The following RBFOX1 variants were observed in gnomAD, a reference collection of about 807,000 sequenced individuals.
RBFOX1 encodes the protein RNA binding fox-1 homolog 1, also known as RNA binding protein fox-1 homolog 1.
RBFOX1 carries 8 observed loss-of-function variants against 57.7 expected under a neutral mutation model. That is an observed-to-expected ratio of 0.14 (90% confidence interval 0.08 to 0.25). RBFOX1 has a LOEUF of 0.25. RBFOX1 is among the 10% of genes least tolerant of loss of function. RBFOX1 has a pLI of 1.00. For synonymous variants in RBFOX1, 326 were observed against 222.4 expected, an observed-to-expected ratio of 1.47 and a Z score of -4.15; for missense variants, 611 against 548.5, an observed-to-expected ratio of 1.11 and a Z score of -1.14.
At chr16:7,625,660 ATTT>A (rs1233784177) in intron 10 of RBFOX1, among the ~76,000 whole-genome samples, 1 of 151,778 alleles carries the variant, frequency 6.6e-6, no homozygotes, top group Admixed American at 6.6e-5. Context: ...TTCCGTTCAC[ATTT>A]TTTGTTTAAA....
intron 4 of RBFOX1, among the ~76,000 whole-genome samples, chr16:7,492,915 G>A (rs1352418863): frequency 6.6e-6 from 1 of 151,966 alleles, no homozygotes; most frequent in Non-Finnish European, 1.5e-5. Context: ...TTTTTGAGAC[G>A]TCCCCCAGGC....
intron 2 of RBFOX1, among the ~76,000 whole-genome samples, chr16:6,527,080 C>G (rs556776745): frequency 9.9e-5 from 15 of 152,032 alleles, no homozygotes; most frequent in Non-Finnish European, 1.6e-4. Flanking sequence ...CCATTAGTCT[C>G]TTTGTACCCA....
At chr16:7,699,303 C>T (rs948627819) in intron 14 of RBFOX1, among the ~76,000 whole-genome samples, 1 of 152,120 alleles carries the variant, frequency 6.6e-6, no homozygotes, top group Non-Finnish European at 1.5e-5. Flanking sequence ...GCGATCCTCC[C>T]ACTTCACCCT....
intron 3 of RBFOX1, among the ~76,000 whole-genome samples, chr16:6,907,659 C>CT: frequency 6.6e-6 from 1 of 152,276 alleles, no homozygotes; most frequent in Admixed American, 6.5e-5. Flanking sequence ...CAGCCTCTGC[C>CT]TCCTGGGTTC....
At chr16:7,692,485 A>C (rs2077562314) in intron 14 of RBFOX1, among the ~76,000 whole-genome samples, 1 of 152,132 alleles carries the variant, frequency 6.6e-6, no homozygotes, top group Non-Finnish European at 1.5e-5. Flanking sequence ...GGTGATCCAT[A>C]AGCATAATAA....
At chr16:5,290,064 C>T (rs553013979) in intron 1 of RBFOX1, among the ~76,000 whole-genome samples, 6 of 152,308 alleles carry the variant, frequency 3.9e-5, no homozygotes, top group Non-Finnish European at 5.9e-5. Flanking sequence ...AGTACTAACA[C>T]GTGCTACAAC....
At chr16:6,470,293 G>C (rs192642494) in intron 2 of RBFOX1, among the ~76,000 whole-genome samples, 12 of 152,238 alleles carry the variant, frequency 7.9e-5, no homozygotes, top group African/African-American at 2.6e-4. Context: ...GTAACAGTTT[G>C]TTATTGCTGG....
At chr16:6,637,538 A>G (rs994289933) in intron 2 of RBFOX1, among the ~76,000 whole-genome samples, 17 of 27,016 alleles carry the variant, frequency 6.3e-4, no homozygotes, top group African/African-American at 1.4e-3. Context: ...TGTATAGTAT[A>G]TACAATCTGC....
intron 13 of RBFOX1, among the ~76,000 whole-genome samples, chr16:7,675,540 G>A (rs547386191): frequency 2.6e-5 from 4 of 152,314 alleles, no homozygotes; most frequent in African/African-American, 9.6e-5. Context: ...CTGTGCAAAT[G>A]ATAGCATATT....
chr16:6,158,156 A>C (rs1367844680), intron 1 of RBFOX1, among the ~76,000 whole-genome samples: 2 of 152,166 alleles, frequency 1.3e-5, no homozygotes, highest in Non-Finnish European at 2.9e-5. Context: ...AATGATGTCC[A>C]CTTTAGTCAC....
chr16:6,784,361 C>T (rs913253000), intron 3 of RBFOX1, among the ~76,000 whole-genome samples: 1 of 152,080 alleles, frequency 6.6e-6, no homozygotes, highest in East Asian at 1.9e-4. Flanking sequence ...TTTGAGCTCA[C>T]TGATTCTTTC....
chr16:5,410,102 G>A (rs1010820531), intron 1 of RBFOX1, among the ~76,000 whole-genome samples: 1 of 151,262 alleles, frequency 6.6e-6, no homozygotes, highest in Non-Finnish European at 1.5e-5. Context: ...GGTGGCTCAT[G>A]CCTGTAATGC....
intron 3 of RBFOX1, among the ~76,000 whole-genome samples, chr16:6,821,094 T>C (rs993160130): frequency 2.6e-5 from 4 of 152,190 alleles, no homozygotes; most frequent in African/African-American, 9.6e-5. Context: ...TGTTAAAGTA[T>C]CAAGCCACTA....
intron 3 of RBFOX1, among the ~76,000 whole-genome samples, chr16:6,932,038 C>T (rs1173924850): frequency 6.6e-6 from 1 of 152,134 alleles, no homozygotes; most frequent in African/African-American, 2.4e-5. Context: ...CCTCCTGCAA[C>T]AATCCATTCT....
At chr16:6,830,734 C>G (rs937562505) in intron 3 of RBFOX1, among the ~76,000 whole-genome samples, 1 of 152,164 alleles carries the variant, frequency 6.6e-6, no homozygotes, top group African/African-American at 2.4e-5. Flanking sequence ...ATATGGTTCT[C>G]TACTCTTTGC....
At chr16:6,787,146 A>T (rs2082102708) in intron 3 of RBFOX1, among the ~76,000 whole-genome samples, 1 of 152,192 alleles carries the variant, frequency 6.6e-6, no homozygotes, top group African/African-American at 2.4e-5. Flanking sequence ...TCTCCAAGAA[A>T]CGTTGATGAA....
At chr16:7,493,368 A>G (rs554749118) in intron 4 of RBFOX1, among the ~76,000 whole-genome samples, 2 of 152,226 alleles carry the variant, frequency 1.3e-5, no homozygotes, top group South Asian at 2.1e-4. Context: ...TTCCCCTAGA[A>G]TCATTGCAAT....
chr16:6,273,033 G>A (rs2075373679), intron 1 of RBFOX1, among the ~76,000 whole-genome samples: 3 of 152,264 alleles, frequency 2.0e-5, no homozygotes, highest in South Asian at 4.1e-4. Flanking sequence ...GCTGAGGCAG[G>A]TGAGTCACCC....
chr16:5,795,931 C>G (rs1440232981), intron 3 of RBFOX1, among the ~76,000 whole-genome samples: 1 of 152,222 alleles, frequency 6.6e-6, no homozygotes, highest in Non-Finnish European at 1.5e-5. Context: ...AGGTCGACAA[C>G]ACTCACCAGT....
Sources: allele counts gnomAD v4.1 joint callset (sites outside exome capture counted in the v4.1 genomes callset), GRCh38; gene constraint gnomAD v4.1.1; transcripts MANE v1.5; gene names NCBI Gene and HGNC (gene_info 2026-07-23, HGNC 2026-07-21).